Variants in TUNAR observed in about 807,000 individuals in gnomAD.
The protein encoded by TUNAR is protein TUNAR.
chr14:95,896,879 T>C (rs981901400), intron 2 of TUNAR, among the ~76,000 whole-genome samples: 2 of 152,208 alleles, frequency 1.3e-5, no homozygotes, highest in African/African-American at 2.4e-5. Flanking sequence ...CCCTCCATAT[T>C]TTCCATGACA....
In TUNAR at chr14:95,898,677, G is replaced by A. The variant is rs554237415; in HGVS notation, c.12+21500G>A. Among the ~76,000 whole-genome samples, 3 of 151,922 alleles carry A rather than the reference G, an allele frequency of 2.0e-5. No homozygotes were observed. The South Asian group carries it at 6.2e-4, about 32-fold the overall frequency. ...GCACTAACATTTTTAACCTCTGAGA[G>A]CTTTTTCTTGTCTCTGATCATTTCT... On this transcript the variant is annotated intron_variant, in intron 2 of 2. Coordinates refer to ENST00000678517, the Ensembl canonical transcript of TUNAR.
intron 2 of TUNAR, among the ~76,000 whole-genome samples, chr14:95,877,980 A>G (rs1178216545): frequency 6.6e-6 from 1 of 152,238 alleles, no homozygotes; most frequent in African/African-American, 2.4e-5. Context: ...TGTGCCCAGC[A>G]CATGCTAGGC....
chr14:95,891,002 C>T (rs1458553142), intron 2 of TUNAR, among the ~76,000 whole-genome samples: 4 of 152,130 alleles, frequency 2.6e-5, no homozygotes, highest in Admixed American at 6.6e-5. Flanking sequence ...CAGAAAGAAT[C>T]GACCCGTGTC....
chr14:95,893,294 A>T (rs1221188130), intron 2 of TUNAR, among the ~76,000 whole-genome samples: 1 of 152,142 alleles, frequency 6.6e-6, no homozygotes, highest in Non-Finnish European at 1.5e-5. Context: ...TTAGGGTTGC[A>T]GGATGGGAAT....
In TUNAR at chr14:95,890,426, G is replaced by A. The variant is rs981746624; in HGVS notation, c.12+13249G>A. Among the ~76,000 whole-genome samples the A allele has an allele frequency of 2.6e-5, 4 of 152,102 alleles. 1 individual carries two copies. The highest frequency in any genetic ancestry group is 4.1e-4 in the South Asian group (2 of 4,822). On this transcript the variant is annotated intron_variant, in intron 2 of 2. Transcript: ENST00000678517. Reference sequence around the variant, plus strand: ...GCCTCAAAGCTCACTCCATCTCCCCGGGGCCTAATTTCCCAGGAGAGAAGT... The same window carrying A: ...GCCTCAAAGCTCACTCCATCTCCCCAGGGCCTAATTTCCCAGGAGAGAAGT...
chr14:95,888,396 A>T (rs1178341287), intron 2 of TUNAR, among the ~76,000 whole-genome samples: 1 of 152,212 alleles, frequency 6.6e-6, no homozygotes, highest in Non-Finnish European at 1.5e-5. Flanking sequence ...AACACCTCAG[A>T]TAATGGTTTT....
chr14:95,919,236 T>C (rs1045852983), intron 2 of TUNAR, among the ~76,000 whole-genome samples: 6 of 152,236 alleles, frequency 3.9e-5, no homozygotes, highest in African/African-American at 1.4e-4. Context: ...AAAAGCTGTT[T>C]AGCAGTATCC....
At chr14:95,877,263 C>T (rs1223286431) in intron 2 of TUNAR, 86 bp downstream of exon 1, 3 of 152,268 alleles carry the variant, frequency 2.0e-5, no homozygotes, top group East Asian at 3.9e-4. Flanking sequence ...CCCTCCTTCC[C>T]CACTTACAGC....
intron 2 of TUNAR, among the ~76,000 whole-genome samples, chr14:95,891,790 A>G (rs1022126054): frequency 1.3e-5 from 2 of 152,236 alleles, no homozygotes; most frequent in African/African-American, 4.8e-5. Context: ...GGAGATGGGA[A>G]GCCTGAAATC....
chr14:95,886,237 G>A (rs1889073516), intron 2 of TUNAR, among the ~76,000 whole-genome samples: 1 of 152,232 alleles, frequency 6.6e-6, no homozygotes, highest in Admixed American at 6.5e-5. Context: ...CCCAGCAGTG[G>A]GCTCAGTGGG....
At chr14:95,893,574 C>T (rs113385780) in intron 2 of TUNAR, among the ~76,000 whole-genome samples, 2 of 152,068 alleles carry the variant, frequency 1.3e-5, no homozygotes, top group Non-Finnish European at 2.9e-5. Flanking sequence ...GGATCCCCCC[C>T]ACCCCACTCC....
At chr14:95,891,049 T>C (rs1016511282) in intron 2 of TUNAR, among the ~76,000 whole-genome samples, 2 of 152,204 alleles carry the variant, frequency 1.3e-5, no homozygotes, top group African/African-American at 4.8e-5. Context: ...GGAAGCGACA[T>C]GATCTAGTCT....
chr14:95,885,811 G>T (rs1011339193), intron 2 of TUNAR, among the ~76,000 whole-genome samples: 8 of 152,192 alleles, frequency 5.3e-5, no homozygotes, highest in Non-Finnish European at 1.5e-5. Context: ...TATATTATAG[G>T]ATAGTGAAGA....
intron 2 of TUNAR, among the ~76,000 whole-genome samples, chr14:95,919,952 T>C (rs1889663716): frequency 6.6e-6 from 1 of 152,162 alleles, no homozygotes; most frequent in Non-Finnish European, 1.5e-5. Flanking sequence ...CCCGAATATA[T>C]ATACAAGAAT....
chr14:95,881,617 G>A (rs1485090275), intron 2 of TUNAR, among the ~76,000 whole-genome samples: 1 of 152,198 alleles, frequency 6.6e-6, no homozygotes, highest in East Asian at 1.9e-4. Flanking sequence ...CTGGGACTCG[G>A]GAGGAAATGT....
Position 95,895,382 on chromosome 14 carries a change from G to A in TUNAR, c.12+18205G>A, listed in dbSNP as rs955662990. Among the ~76,000 whole-genome samples the A allele has an allele frequency of 5.1e-4, 78 of 152,146 alleles. No individual in the cohort carries two copies. Among genetic ancestry groups the A allele is most frequent in the African/African-American group, 1.9e-3 (78 of 41,418 alleles). On this transcript the variant is annotated intron_variant, in intron 2 of 2. Transcript: ENST00000678517. This position sits in a 1 kb window ranked among gnomAD's most constrained non-coding sequence, Gnocchi z 4.5. Reference sequence around the variant, plus strand: ...TTTAGCTCCGTAGCCAAAGACCTGAGTTCCAGCAAATCACACATGTGTGCA... The same window carrying A: ...TTTAGCTCCGTAGCCAAAGACCTGAATTCCAGCAAATCACACATGTGTGCA...
exon 3 of TUNAR, chr14:95,925,267 G>A (rs1305067014): frequency 1.3e-5 from 2 of 152,280 alleles, no homozygotes; most frequent in Non-Finnish European, 2.9e-5. Context: ...AACCCAATGT[G>A]TCTGATTCCT....
At chr14:95,913,676 C>T (rs1019997211) in intron 2 of TUNAR, among the ~76,000 whole-genome samples, 23 of 152,286 alleles carry the variant, frequency 1.5e-4, no homozygotes, top group African/African-American at 5.5e-4. Context: ...TTGGATATCG[C>T]TCAGCCATGG....
chr14:95,908,070 C>T (rs1889452381), intron 2 of TUNAR, among the ~76,000 whole-genome samples: 1 of 152,206 alleles, frequency 6.6e-6, no homozygotes, highest in African/African-American at 2.4e-5. Context: ...AGCCTTCAGG[C>T]CCTCCCTGGC....
Sources: gnomAD v4.1 joint callset for allele counts (sites outside exome capture counted in the v4.1 genomes callset) on GRCh38, gnomAD v4.1.1 for gene constraint, Gnocchi (gnomAD v3.1) non-coding constraint, MANE v1.5 for transcripts, NCBI Gene and HGNC (gene_info 2026-07-23, HGNC 2026-07-21) for gene names.